The following RPAIN variants were observed in gnomAD, a reference collection of about 807,000 sequenced individuals.
The protein encoded by RPAIN is RPA interacting protein.
A neutral mutation model predicts 30.5 loss-of-function variants in RPAIN; 29 were observed. The ratio of observed to expected loss-of-function variants is 0.95; its 90% CI spans 0.71 to 1.30. The LOEUF (loss-of-function observed/expected upper bound fraction) is 1.30, where lower values mean the gene tolerates loss of function less well. Ranked by LOEUF, RPAIN falls within the 50% of genes most tolerant of loss-of-function variation. The pLI is 0.00. For synonymous variants in RPAIN, 101 were observed against 93.5 expected (o/e 1.08, Z -0.46); for missense variants, 247 against 264.7 (o/e 0.93, Z 0.46).
intron 1 of RPAIN, among the ~76,000 whole-genome samples, chr17:5,420,909 A>G (rs1914723338): frequency 6.6e-6 from 1 of 152,228 alleles, no homozygotes; most frequent in Non-Finnish European, 1.5e-5. Flanking sequence ...AGCATTGCCA[A>G]ATGTTCCTTG....
At chr17:5,425,283 A>G (rs1257122324) in intron 3 of RPAIN, 3 of 455,676 alleles carry the variant, frequency 6.6e-6, no homozygotes, top group Non-Finnish European at 1.3e-5. Flanking sequence ...TGAACAACAC[A>G]GATTCCAAGT....
In RPAIN at chr17:5,420,183, T is replaced by C. The variant is rs376247412; in HGVS notation, c.-28T>C. The C allele has an allele frequency of 5.3e-5, 86 of 1,611,972 alleles. 1 individual carries two copies. Among genetic ancestry groups the C allele is most frequent in the Non-Finnish European group, 6.7e-5 (79 of 1,179,158 alleles). Reference sequence around the variant, plus strand: ...TGTGCGCGCCTCCAGGGAACGGGTCTTGTGGCTTTGTCTCCCGCGAAGAGG... The same window carrying C: ...TGTGCGCGCCTCCAGGGAACGGGTCCTGTGGCTTTGTCTCCCGCGAAGAGG... On this transcript the variant is annotated 5_prime_UTR_variant, in exon 1 of 7. Transcript: ENST00000381209.
intron 6 of RPAIN, chr17:5,430,389 C>G (rs1915789428): frequency 6.6e-6 from 1 of 152,398 alleles, no homozygotes; most frequent in Non-Finnish European, 1.5e-5. Flanking sequence ...ATCACTTGAA[C>G]CCAGGAAGCG....
At chr17:5,428,772 T>C (rs1915646152) in intron 6 of RPAIN, 1 of 999,722 alleles carries the variant, frequency 1.0e-6, no homozygotes, top group African/African-American at 1.7e-5. Context: ...TATGTATGTA[T>C]GTACATGTGT....
At chr17:5,426,106 A>G (rs1422285013) in intron 4 of RPAIN, 24 bp downstream of exon 4, 4 of 1,588,772 alleles carry the variant, frequency 2.5e-6, no homozygotes. Context: ...AAACCTTTTC[A>G]GCATTATTCG....
At chr17:5,431,713 G>A in intron 6 of RPAIN, 1 of 447,830 alleles carries the variant, frequency 2.2e-6, no homozygotes, top group Non-Finnish European at 4.5e-6. Flanking sequence ...GGTTACAGAA[G>A]ATTGCACTCT....
At chr17:5,421,264 T>C (rs1331820961) in intron 1 of RPAIN, 32 bp from the exon 2 acceptor site, 3 of 1,556,994 alleles carry the variant, frequency 1.9e-6, no homozygotes, top group Non-Finnish European at 1.7e-6. Flanking sequence ...AATGCTTTTT[T>C]TTTCCCCCCC....
chr17:5,425,905 A>T (rs1915336937), intron 3 of RPAIN, 66 bp from the exon 4 acceptor site: 1 of 1,012,210 alleles, frequency 9.9e-7, no homozygotes, highest in Non-Finnish European at 1.5e-6. Flanking sequence ...TTGACAGTGA[A>T]GTTTAGAATT....
intron 4 of RPAIN, 32 bp from the exon 5 acceptor site, chr17:5,426,204 A>C (rs749078573): frequency 1.2e-6 from 2 of 1,611,140 alleles, no homozygotes; most frequent in Admixed American, 3.3e-5. Context: ...TCTGGTGGCC[A>C]TGATGCTCTG....
intron 6 of RPAIN, chr17:5,429,371 A>G (rs956380092): frequency 1.6e-5 from 16 of 985,498 alleles, no homozygotes; most frequent in African/African-American, 1.7e-5. Context: ...TGGAGTATAT[A>G]CAAAGAGCAT....
chr17:5,421,302 C>T lies in RPAIN; in HGVS notation c.88C>T (p.Leu30=), dbSNP rs760740283. The change falls in exon 2 of 7, where the codon CTG becomes TTG. Residue 30 remains leucine (L), a synonymous_variant. Coordinates refer to ENST00000381209, the MANE Select transcript of RPAIN (RefSeq NM_001033002.4). ...TCTTGCTCTTTTTTCCCAGAGATGC[C>T]TGGAGAGAATGAGAAACAGCCGGGA... ...PWKEAFRQRC[L]ERMRNSRDRL... 6.2e-6 allele frequency: 10 copies of T among 1,608,278 alleles called. No homozygotes were observed. The East Asian group carries it at 2.2e-4, about 36-fold the overall frequency.
At chr17:5,424,245 A>G (rs746416620) in intron 3 of RPAIN, among the ~76,000 whole-genome samples, 4 of 151,918 alleles carry the variant, frequency 2.6e-5, no homozygotes, top group Non-Finnish European at 4.4e-5. Flanking sequence ...CCCCCACCTC[A>G]GCCTCCTAAA....
intron 3 of RPAIN, among the ~76,000 whole-genome samples, chr17:5,423,945 T>TTA (rs1915125935): frequency 6.6e-6 from 1 of 151,224 alleles, no homozygotes; most frequent in South Asian, 2.1e-4. Flanking sequence ...TTTTTTTTTT[T>TTA]AGCTAAAGAT....
intron 6 of RPAIN, chr17:5,431,257 TGGGA>T: frequency 2.8e-6 from 1 of 354,482 alleles, no homozygotes; most frequent in Non-Finnish European, 5.5e-6. Context: ...AAGGCTGAGG[TGGGA>T]GGATCACTTG....
chr17:5,429,423 G>A (rs1465814874), intron 6 of RPAIN: 1 of 985,226 alleles, frequency 1.0e-6, no homozygotes, highest in African/African-American at 1.7e-5. Flanking sequence ...TGAGGGAGAG[G>A]ATAGTTCCTG....
At chr17:5,421,957 G>A (rs949942577) in intron 2 of RPAIN, 3 of 152,198 alleles carry the variant, frequency 2.0e-5, no homozygotes, top group African/African-American at 7.3e-5. Flanking sequence ...GGCTAATTTT[G>A]TTTCTGTTTT....
chr17:5,432,510 T>C (rs755210292), intron 6 of RPAIN, 32 bp from the exon 7 acceptor site: 26 of 1,603,656 alleles, frequency 1.6e-5, no homozygotes, highest in Non-Finnish European at 2.1e-5. Context: ...TAGAATACAA[T>C]TTAAGCTAAT....
intron 2 of RPAIN, 95 bp downstream of exon 2, chr17:5,421,561 A>T: frequency 9.0e-7 from 1 of 1,108,662 alleles, no homozygotes; most frequent in Non-Finnish European, 1.3e-6. Context: ...CTCTAAACCC[A>T]CCATTCCCCT....
chr17:5,432,306 CT>C lies in RPAIN; in HGVS notation c.631-234del, dbSNP rs1307656374. On this transcript the variant is annotated intron_variant, in intron 6 of 6. Coordinates refer to ENST00000381209, the MANE Select transcript of RPAIN (RefSeq NM_001033002.4). ...GTTCATCTACAGGATTTGATCTTAG[CT>C]TGAAGACTATTGATGCTGATGGTTC... 6.3e-6 allele frequency: 3 copies of C among 479,446 alleles called. No homozygotes were observed. In the East Asian group the frequency reaches 9.7e-5, roughly 15 times the overall value. The allele number at this position is 479,446 out of a possible 1,614,324, so 29.7% of individuals were successfully genotyped here.
Sources: gnomAD v4.1 joint callset for allele counts (sites outside exome capture counted in the v4.1 genomes callset) on GRCh38, gnomAD v4.1.1 for gene constraint, MANE v1.5 for transcripts, NCBI Gene and HGNC (gene_info 2026-07-23, HGNC 2026-07-21) for gene names.